The following RYR3 variants were observed in gnomAD, a reference collection of about 807,000 sequenced individuals.
RYR3 encodes brain ryanodine receptor-calcium release channel.
RYR3 carries 207 observed loss-of-function variants against 584.3 expected under a neutral mutation model. That is an observed-to-expected ratio of 0.35 (90% confidence interval 0.32 to 0.40). RYR3 has a LOEUF of 0.40. RYR3 is among the 10% of genes least tolerant of loss of function. RYR3 has a pLI of 1.00. For missense variants in RYR3, 5,616 were observed against 6,089.2 expected (o/e 0.92, Z 2.59); for synonymous variants, 2,416 against 2,248.5 (o/e 1.07, Z -2.11).
chr15:33,697,551 G>A (rs193274720), intron 39 of RYR3, among the ~76,000 whole-genome samples: 18 of 152,210 alleles, frequency 1.2e-4, no homozygotes, highest in South Asian at 2.1e-4. Flanking sequence ...TCTTAATGTC[G>A]TGAGTTTTTA....
intron 30 of RYR3, 21 bp downstream of exon 30, chr15:33,647,481 A>T (rs1488918442): frequency 6.4e-7 from 1 of 1,563,638 alleles, no homozygotes; most frequent in African/African-American, 1.3e-5. Context: ...GTGCTCAATT[A>T]TGGTTTTAAT....
At chr15:33,389,518 G>A (rs1033396604) in intron 1 of RYR3, among the ~76,000 whole-genome samples, 3 of 152,000 alleles carry the variant, frequency 2.0e-5, no homozygotes, top group Non-Finnish European at 4.4e-5. Flanking sequence ...TGTAACAATG[G>A]GTATCGATTA....
chr15:33,669,107 G>A (rs1357122664), intron 36 of RYR3, among the ~76,000 whole-genome samples: 5 of 151,866 alleles, frequency 3.3e-5, no homozygotes, highest in Non-Finnish European at 5.9e-5. Context: ...TAGTTATCTC[G>A]GGGTGGTGGA....
intron 27 of RYR3, among the ~76,000 whole-genome samples, chr15:33,637,710 G>A (rs898002625): frequency 2.4e-4 from 37 of 152,180 alleles, no homozygotes; most frequent in Non-Finnish European, 4.4e-4. Context: ...TCTTTACAGA[G>A]CGTTTTTAGC....
intron 42 of RYR3, 61 bp from the exon 43 acceptor site, chr15:33,706,856 GGT>G: frequency 6.8e-7 from 1 of 1,469,248 alleles, no homozygotes; most frequent in East Asian, 2.5e-5. Flanking sequence ...TATTTTTTGA[GGT>G]GTGTTTTTTA....
rs901904014 is a variant in RYR3 at position 33,852,910 on chromosome 15, G to A, written c.13629-135G>A. On this transcript the variant is annotated intron_variant, in intron 94 of 103. Coordinates refer to ENST00000634891, the MANE Select transcript of RYR3 (RefSeq NM_001036.6). ...CTGTGATGACTCTGAACTTCAATCA[G>A]ATCTTAAAATTCTTTGGTGAGCAGG... is the stretch of plus-strand genomic sequence containing the variant. The A allele has an allele frequency of 5.5e-6, 4 of 733,074 alleles. No individual in the cohort carries two copies. In the Admixed American group the frequency reaches 1.0e-4, roughly 19 times the overall value. The allele number at this position is 733,074 out of a possible 1,614,324, so 45.4% of individuals were successfully genotyped here.
intron 20 of RYR3, among the ~76,000 whole-genome samples, chr15:33,627,097 A>G (rs1217206006): frequency 6.6e-6 from 1 of 152,178 alleles, no homozygotes; most frequent in East Asian, 1.9e-4. Context: ...GAAAAGCCAT[A>G]GACACTCGAG....
At chr15:33,339,365 A>T (rs1461348291) in intron 1 of RYR3, among the ~76,000 whole-genome samples, 1 of 152,234 alleles carries the variant, frequency 6.6e-6, no homozygotes, top group Non-Finnish European at 1.5e-5. Flanking sequence ...GACTAAGGCC[A>T]GTGACCAGGG....
chr15:33,777,445 G>A (rs1015951712), intron 64 of RYR3, among the ~76,000 whole-genome samples: 1 of 151,978 alleles, frequency 6.6e-6, no homozygotes, highest in Admixed American at 6.6e-5. Context: ...CAGACTTCTG[G>A]GTTTTACTTT....
At chr15:33,725,182 C>CACAT (rs2068275711) in intron 45 of RYR3, among the ~76,000 whole-genome samples, 1 of 149,278 alleles carries the variant, frequency 6.7e-6, no homozygotes, top group Non-Finnish European at 1.5e-5. Context: ...CACACACACA[C>CACAT]ACACACACAC....
At chr15:33,773,411 TGAG>T in intron 63 of RYR3, 120 bp from the exon 64 acceptor site, 1 of 714,806 alleles carries the variant, frequency 1.4e-6, no homozygotes. Flanking sequence ...ATATGTTTGT[TGAG>T]AGAGAAAGGG....
intron 69 of RYR3, among the ~76,000 whole-genome samples, chr15:33,802,800 T>C (rs1052254195): frequency 6.6e-6 from 1 of 152,240 alleles, no homozygotes; most frequent in African/African-American, 2.4e-5. Flanking sequence ...ATATGTCAAG[T>C]ATAAGTGACA....
intron 3 of RYR3, among the ~76,000 whole-genome samples, chr15:33,506,411 G>A (rs1028208685): frequency 6.6e-6 from 1 of 152,064 alleles, no homozygotes; most frequent in African/African-American, 2.4e-5. Flanking sequence ...TGACATTTTT[G>A]TTAATATCTA....
rs1336688252 is a variant in RYR3 at position 33,731,548 on chromosome 15, A to C, written c.7278A>C (p.Thr2426=). The C allele has an allele frequency of 6.2e-7, 1 of 1,613,888 alleles. No homozygotes were observed. Among genetic ancestry groups the C allele is most frequent in the Non-Finnish European group, 8.5e-7 (1 of 1,179,868 alleles). The change falls in exon 48 of 104, where the codon ACA becomes ACC. Residue 2426 remains threonine (T), a synonymous_variant. Coordinates refer to ENST00000634891, the MANE Select transcript of RYR3 (RefSeq NM_001036.6). ...GTTCTGCTGTGCTCCCGCTCCTCAC[A>C]AGATGTGCCCCTCTCTTTGCCGGAA... is the stretch of plus-strand genomic sequence containing the variant. The part of the protein sequence containing the change: ...YICSAVLPLL[T]RCAPLFAGTE...
chr15:33,327,037 G>T (rs1474297267), intron 1 of RYR3, among the ~76,000 whole-genome samples: 2 of 151,366 alleles, frequency 1.3e-5, no homozygotes, highest in Non-Finnish European at 2.9e-5. Flanking sequence ...ACAGAGAACT[G>T]GCATTGCCCC....
At chr15:33,736,681 T>A (rs1010986621) in intron 49 of RYR3, among the ~76,000 whole-genome samples, 2 of 152,174 alleles carry the variant, frequency 1.3e-5, no homozygotes, top group African/African-American at 4.8e-5. Flanking sequence ...GATTAAAATG[T>A]CCCTTTTCTA....
At chr15:33,436,970 T>G (rs1022922087) in intron 1 of RYR3, among the ~76,000 whole-genome samples, 74 of 152,224 alleles carry the variant, frequency 4.9e-4, no homozygotes, top group African/African-American at 1.6e-3. Context: ...GGAATTGGTG[T>G]GTGAGTTGTG....
rs555505466 is a variant in RYR3, at chr15:33,728,751, C to A, written c.7034-106C>A. 4.9e-6 allele frequency: 5 copies of A among 1,029,834 alleles called. No homozygotes were observed. The South Asian group carries it at 9.0e-5, about 19-fold the overall frequency. The allele number at this position is 1,029,834 out of a possible 1,614,324, so 63.8% of individuals were successfully genotyped here. On this transcript the variant is annotated intron_variant, in intron 46 of 103. Transcript: ENST00000634891. ...CTCAATCTGTATTTTTCCAAAAATT[C>A]TTGTCCCTTATAGGGAGAATAAGCT...
intron 41 of RYR3, 92 bp from the exon 42 acceptor site, chr15:33,700,885 C>T (rs2066251745): frequency 1.2e-6 from 1 of 841,488 alleles, no homozygotes; most frequent in Admixed American, 2.2e-5. Context: ...GTTTGCTGCC[C>T]TCTCCTGTCC....
Sources: allele counts gnomAD v4.1 joint callset (sites outside exome capture counted in the v4.1 genomes callset), GRCh38; gene constraint gnomAD v4.1.1; transcripts MANE v1.5; gene names NCBI Gene and HGNC (gene_info 2026-07-23, HGNC 2026-07-21).